The following CAMK1G variants were observed in gnomAD, a reference collection of about 807,000 sequenced individuals.
The protein encoded by CAMK1G is calcium/calmodulin-dependent protein kinase type 1G.
In CAMK1G, 27 loss-of-function variants were observed where a neutral mutation model predicts 54.8. The ratio of observed to expected loss-of-function variants is 0.49; its 90% CI spans 0.36 to 0.68. The LOEUF (loss-of-function observed/expected upper bound fraction) is 0.68, where lower values mean the gene tolerates loss of function less well. CAMK1G is among the 30% of genes least tolerant of loss of function. The pLI, the probability that CAMK1G is intolerant of heterozygous loss-of-function variation, is 0.00. For missense variants in CAMK1G, 512 were observed against 591.0 expected (o/e 0.87, Z 1.39); for synonymous variants, 238 against 224.9 (o/e 1.06, Z -0.52).
intron 2 of CAMK1G, among the ~76,000 whole-genome samples, chr1:209,595,279 G>T (rs906223000): frequency 6.6e-6 from 1 of 152,156 alleles, no homozygotes; most frequent in Non-Finnish European, 1.5e-5. Context: ...TAATACCAAA[G>T]ATGATTTAAT....
chr1:209,599,575 C>A (rs1665476576), intron 2 of CAMK1G, among the ~76,000 whole-genome samples: 1 of 152,196 alleles, frequency 6.6e-6, no homozygotes, highest in Non-Finnish European at 1.5e-5. Context: ...ATGGGGTATT[C>A]CCTTACGTGA....
rs1438464501 is a variant in CAMK1G, at chr1:209,605,537, G to A, written c.298G>A (p.Val100Ile). 1.9e-6 allele frequency: 3 copies of A among 1,613,776 alleles called. No individual in the cohort carries two copies. The highest frequency in any genetic ancestry group is 1.3e-5 in the African/African-American group (1 of 74,932). The change falls in exon 5 of 13, where the codon GTT becomes ATT. Residue 100 changes from valine to isoleucine, a missense_variant and splice_region_variant. Physicochemically the swap from Val to Ile is conservative, Grantham distance 29. Transcript: ENST00000361322. ...CCTGTCTTGATCCTATGCCCACAGT[G>A]TTTCTGGTGGGGAGCTCTTTGACCG... ...TTHYYLVMQL[V>I]SGGELFDRIL... is the part of the protein sequence containing the mutation.
chr1:209,601,395 T>C (rs536158030), intron 3 of CAMK1G, among the ~76,000 whole-genome samples: 47 of 152,270 alleles, frequency 3.1e-4, no homozygotes, highest in East Asian at 5.8e-4. Context: ...GACAACAATA[T>C]AATTGCTAGG....
In CAMK1G at chr1:209,603,286, G is replaced by T; in HGVS notation, c.294G>T (p.Gln98His). The T allele has an allele frequency of 6.2e-7, 1 of 1,613,556 alleles. No individual in the cohort carries two copies. Reference sequence around the variant, plus strand: ...CCACCCACTACTACCTGGTCATGCAGCTGTAAGTAAAAGGTGACTTGCTTC... The same window carrying T: ...CCACCCACTACTACCTGGTCATGCATCTGTAAGTAAAAGGTGACTTGCTTC... ...ESTTHYYLVM[Q>H]LVSGGELFDR... is the part of the protein sequence containing the mutation. The change falls in exon 4 of 13, where the codon CAG (glutamine) becomes CAT (histidine). Residue 98 changes from glutamine (Q) to histidine (H), a missense_variant and splice_region_variant. Gln to His is a conservative substitution (Grantham distance 24, BLOSUM62 0). Coordinates refer to ENST00000361322, the MANE Select transcript of CAMK1G (RefSeq NM_020439.3).
intron 6 of CAMK1G, 47 bp from the exon 7 acceptor site, chr1:209,607,811 C>T (rs894402260): frequency 6.4e-7 from 1 of 1,554,552 alleles, no homozygotes; most frequent in Non-Finnish European, 8.8e-7. Flanking sequence ...ACCCCAAAGC[C>T]CTCTCCTCTT....
At position 209,609,039 on chromosome 1, in the gene CAMK1G, A is replaced by G. The variant is rs1356591445; in HGVS notation, c.695A>G (p.Lys232Arg). 6.2e-7 allele frequency: 1 copy of G among 1,614,206 alleles called. No homozygotes were observed. Among genetic ancestry groups the G allele is most frequent in the Admixed American group, 1.7e-5 (1 of 60,036 alleles). Reference protein sequence around the residue: ...ETESKLFEKIKEGYYEFESPF... With the variant: ...ETESKLFEKIREGYYEFESPF... ...GAGTCTAAGCTTTTCGAGAAGATCAAGGAGGGCTACTATGAGTTTGAGTCT... is the reference window on the plus strand; with the variant it reads ...GAGTCTAAGCTTTTCGAGAAGATCAGGGAGGGCTACTATGAGTTTGAGTCT... The change falls in exon 8 of 13, where the codon AAG becomes AGG. Residue 232 changes from lysine to arginine, a missense_variant. Transcript: ENST00000361322.
intron 2 of CAMK1G, among the ~76,000 whole-genome samples, chr1:209,595,498 T>C (rs1173248716): frequency 6.6e-6 from 1 of 152,168 alleles, no homozygotes; most frequent in African/African-American, 2.4e-5. Context: ...CTGACCCACC[T>C]GCAATGACCC....
intron 11 of CAMK1G, 53 bp from the exon 12 acceptor site, chr1:209,612,732 C>T (rs1307449857): frequency 1.6e-5 from 24 of 1,485,632 alleles, no homozygotes; most frequent in Non-Finnish European, 2.3e-5. Context: ...CCTGCCCCAT[C>T]GACTCTTCTT....
chr1:209,591,381 A>G (rs541253571), intron 1 of CAMK1G, among the ~76,000 whole-genome samples: 1 of 152,344 alleles, frequency 6.6e-6, no homozygotes, highest in African/African-American at 2.4e-5. Flanking sequence ...ATAGCCACCA[A>G]TTATTATATA....
At chr1:209,590,050 A>G (rs933401003) in intron 1 of CAMK1G, among the ~76,000 whole-genome samples, 11 of 152,224 alleles carry the variant, frequency 7.2e-5, no homozygotes, top group African/African-American at 2.7e-4. Flanking sequence ...ATCTCAGAGA[A>G]ATCTGTGGCG....
chr1:209,592,500 C>T (rs1209451393), intron 1 of CAMK1G, among the ~76,000 whole-genome samples: 1 of 152,132 alleles, frequency 6.6e-6, no homozygotes, highest in Non-Finnish European at 1.5e-5. Context: ...GGCACTATCT[C>T]AACTCACCTC....
Position 209,612,182 on chromosome 1 carries a change from G to C in CAMK1G, c.1306G>C (p.Glu436Gln), listed in dbSNP as rs1456583995. The change falls in exon 11 of 13, where the codon GAG becomes CAG. Residue 436 changes from glutamate (E) to glutamine (Q), a missense_variant. Glu to Gln is a conservative substitution (Grantham distance 29). Around this residue, in one of 3 missense-constraint regions of CAMK1G, gnomAD observed 315 missense variants for 330.5 expected, o/e 0.95. Coordinates refer to ENST00000361322, the MANE Select transcript of CAMK1G (RefSeq NM_020439.3). Reference protein sequence around the residue: ...GSKGKSSYCSEPTLLKKANKK... With the variant: ...GSKGKSSYCSQPTLLKKANKK... ...CAAAGGAAAGTCCTCCTACTGCTCT[G>C]AGCCCACACTCCTCAAAAAGGCCAA... 2 of 1,614,090 alleles carry C rather than the reference G, an allele frequency of 1.2e-6. No homozygotes were observed. Among genetic ancestry groups the C allele is most frequent in the Admixed American group, 3.3e-5 (2 of 60,026 alleles).
At chr1:209,608,937 A>G (rs1169083672) in intron 7 of CAMK1G, 43 bp from the exon 8 acceptor site, 2 of 1,610,672 alleles carry the variant, frequency 1.2e-6, no homozygotes, top group South Asian at 1.1e-5. Context: ...CTCAGGGAGG[A>G]CAGGTTTGTT....
At chr1:209,608,131 C>T (rs943514154) in intron 7 of CAMK1G, among the ~76,000 whole-genome samples, 198 bp downstream of exon 7, 1 of 152,158 alleles carries the variant, frequency 6.6e-6, no homozygotes, top group African/African-American at 2.4e-5. Flanking sequence ...CTTCCTCTCT[C>T]TTCACCTCCA....
In CAMK1G at chr1:209,585,734, T is replaced by A. The variant is rs563642367; in HGVS notation, c.-30+1962T>A. ...TCTAAGAGGAGAGCGCCTCCCTCGC[T>A]CCCTCTCCCCCATACACACGCACAC... On this transcript the variant is annotated intron_variant, in intron 1 of 12. Coordinates refer to ENST00000361322, the MANE Select transcript of CAMK1G (RefSeq NM_020439.3). 2.0e-5 allele frequency among the ~76,000 whole-genome samples: 3 copies of A among 152,292 alleles called. No homozygotes were observed. The South Asian group carries it at 6.2e-4, about 32-fold the overall frequency.
chr1:209,589,166 T>C (rs1480690247), intron 1 of CAMK1G, among the ~76,000 whole-genome samples: 1 of 152,146 alleles, frequency 6.6e-6, no homozygotes, highest in Non-Finnish European at 1.5e-5. Context: ...GTCATACTTA[T>C]TACAGAAGAA....
chr1:209,607,100 G>A (rs552487417), intron 6 of CAMK1G, among the ~76,000 whole-genome samples: 6 of 152,246 alleles, frequency 3.9e-5, no homozygotes, highest in South Asian at 2.1e-4. Flanking sequence ...TTCACCAGTC[G>A]TCACCTGTTT....
Position 209,611,927 on chromosome 1 carries a change from C to T in CAMK1G, c.1051C>T (p.Pro351Ser). Residue 351 changes from proline (P) to serine (S), a missense_variant, in exon 11 of 13, where the codon CCT becomes TCT. Pro to Ser is a moderately conservative substitution (Grantham distance 74). This residue lies in a region of CAMK1G where 315 missense variants were observed against 330.5 expected (regional missense o/e 0.95). Transcript: ENST00000361322. Reference sequence around the variant, plus strand: ...CTCAGAAACCTCTAGACCCAGCTCCCCTGAGATCACCATCACCGAGGCACC... The same window carrying T: ...CTCAGAAACCTCTAGACCCAGCTCCTCTGAGATCACCATCACCGAGGCACC... ...QASETSRPSS[P>S]EITITEAPVL... The T allele has an allele frequency of 6.2e-7, 1 of 1,614,262 alleles. No homozygotes were observed. Among genetic ancestry groups the T allele is most frequent in the South Asian group, 1.1e-5 (1 of 91,088 alleles).
intron 2 of CAMK1G, among the ~76,000 whole-genome samples, chr1:209,598,173 G>C (rs1231392986): frequency 6.6e-6 from 1 of 152,180 alleles, no homozygotes; most frequent in Non-Finnish European, 1.5e-5. Context: ...AAACCAAGAG[G>C]CCTGTAATTT....
Sources: allele counts gnomAD v4.1 joint callset (sites outside exome capture counted in the v4.1 genomes callset), GRCh38; gene constraint gnomAD v4.1.1; regional missense constraint gnomAD v4.1.1; transcripts MANE v1.5; gene names NCBI Gene and HGNC (gene_info 2026-07-23, HGNC 2026-07-21).